The following GRID1 variants were observed in gnomAD, a reference collection of about 807,000 sequenced individuals.
The protein encoded by GRID1 is glutamate receptor ionotropic, delta-1.
A neutral mutation model predicts 98.0 loss-of-function variants in GRID1; 28 were observed. The ratio of observed to expected loss-of-function variants is 0.29; its 90% CI spans 0.21 to 0.39. The LOEUF is 0.39. GRID1 is among the 10% of genes least tolerant of loss of function. The pLI, the probability that GRID1 is intolerant of heterozygous loss-of-function variation, is 1.00. For synonymous variants in GRID1, 553 were observed against 538.5 expected, an observed-to-expected ratio of 1.03 and a Z score of -0.37; for missense variants, 1,111 against 1,340.5, an observed-to-expected ratio of 0.83 and a Z score of 2.67.
intron 2 of GRID1, among the ~76,000 whole-genome samples, chr10:86,227,632 G>C (rs1431283805): frequency 1.3e-5 from 2 of 151,860 alleles, no homozygotes; most frequent in African/African-American, 4.9e-5. Flanking sequence ...TTACTCTGCT[G>C]TCCTTCCTCA....
chr10:86,170,117 T>C (rs548619741), intron 3 of GRID1, among the ~76,000 whole-genome samples: 3 of 152,264 alleles, frequency 2.0e-5, no homozygotes, highest in African/African-American at 7.2e-5. Flanking sequence ...GCCTGGGGCT[T>C]GAGGGAATCA....
At chr10:85,822,923 C>T (rs1842786197) in intron 8 of GRID1, among the ~76,000 whole-genome samples, 1 of 152,166 alleles carries the variant, frequency 6.6e-6, no homozygotes, top group Non-Finnish European at 1.5e-5. Flanking sequence ...TCATTCTCAG[C>T]AAACTATTGC....
chr10:86,263,541 G>A (rs73334011), intron 2 of GRID1, among the ~76,000 whole-genome samples: 10,604 of 152,278 alleles, frequency 0.07, 1,054 homozygotes, highest in African/African-American at 0.23. Context: ...TACAGGCAGC[G>A]AGAACAGAGG....
At chr10:85,655,503 C>G (rs1229644981) in intron 12 of GRID1, among the ~76,000 whole-genome samples, 1 of 152,174 alleles carries the variant, frequency 6.6e-6, no homozygotes, top group Non-Finnish European at 1.5e-5. Flanking sequence ...TGTTTCAAAA[C>G]AATTTTGTGT....
rs1293847225 is a variant in GRID1 at position 86,366,251 on chromosome 10, C to T, written c.79+63G>A. On this transcript the variant is annotated intron_variant, in intron 1 of 15. Coordinates refer to ENST00000327946, the MANE Select transcript of GRID1 (RefSeq NM_017551.3). This position sits in a 1 kb window ranked among gnomAD's most constrained non-coding sequence, Gnocchi z 4.1. Reference sequence around the variant, plus strand: ...CCAGGGAAACGCCAAGTTTGGACGCCGCGCACCCCCTGCCCCGTTGGGGCC... The same window carrying T: ...CCAGGGAAACGCCAAGTTTGGACGCTGCGCACCCCCTGCCCCGTTGGGGCC... The T allele has an allele frequency of 1.7e-6, 2 of 1,211,624 alleles. No individual in the cohort carries two copies. The highest frequency in any genetic ancestry group is 1.6e-5 in the African/African-American group (1 of 61,686). 75.1% of individuals were successfully genotyped at this position (1,211,624 alleles called of 1,614,324 possible). A position where few individuals can be genotyped will look rare whatever the true frequency, so the allele number is the denominator to read the frequency against.
intron 12 of GRID1, among the ~76,000 whole-genome samples, chr10:85,685,912 T>C (rs1343294999): frequency 6.6e-6 from 1 of 151,980 alleles, no homozygotes; most frequent in East Asian, 1.9e-4. Flanking sequence ...TGCAAGACCT[T>C]TATTGAAAAA....
intron 2 of GRID1, among the ~76,000 whole-genome samples, chr10:86,237,426 C>A (rs1176346240): frequency 2.0e-5 from 3 of 152,190 alleles, no homozygotes; most frequent in African/African-American, 7.2e-5. Flanking sequence ...CCTGGATGGG[C>A]ACAGTGGCTC....
chr10:85,707,596 A>G (rs1041583472), intron 12 of GRID1, among the ~76,000 whole-genome samples: 1 of 152,206 alleles, frequency 6.6e-6, no homozygotes, highest in African/African-American at 2.4e-5. Flanking sequence ...CATTTGACCC[A>G]CCTATCCCAT....
chr10:86,008,439 T>C (rs959212843), intron 4 of GRID1, among the ~76,000 whole-genome samples: 1 of 152,194 alleles, frequency 6.6e-6, no homozygotes, highest in Non-Finnish European at 1.5e-5. Context: ...AACTTGTGTT[T>C]ATCAATGAAA....
chr10:85,990,204 G>A (rs1005931039), intron 4 of GRID1, among the ~76,000 whole-genome samples: 6 of 152,180 alleles, frequency 3.9e-5, no homozygotes, highest in African/African-American at 1.4e-4. Flanking sequence ...AGGAACCCAG[G>A]CAAGCAAATG....
At chr10:86,321,358 A>C (rs555799251) in intron 2 of GRID1, among the ~76,000 whole-genome samples, 2 of 152,304 alleles carry the variant, frequency 1.3e-5, no homozygotes, top group African/African-American at 4.8e-5. Context: ...GCCTGGGGTC[A>C]CATTCTGCCT....
At chr10:85,880,412 AG>A (rs1445676066) in intron 5 of GRID1, among the ~76,000 whole-genome samples, 3 of 152,346 alleles carry the variant, frequency 2.0e-5, no homozygotes, top group African/African-American at 7.2e-5. Flanking sequence ...CACATCAAAA[AG>A]CTTGTCCACC....
intron 8 of GRID1, among the ~76,000 whole-genome samples, chr10:85,826,271 G>T (rs555767729): frequency 6.6e-6 from 1 of 152,298 alleles, no homozygotes; most frequent in African/African-American, 2.4e-5. Flanking sequence ...GGAGGCGAAG[G>T]TTGCGGTGAG....
intron 12 of GRID1, among the ~76,000 whole-genome samples, chr10:85,691,714 C>T (rs1343052389): frequency 2.0e-5 from 3 of 152,212 alleles, no homozygotes; most frequent in Non-Finnish European, 4.4e-5. Flanking sequence ...AAATTTCCCA[C>T]TACTTGCATT....
chr10:86,048,749 A>G (rs867980951), intron 4 of GRID1, among the ~76,000 whole-genome samples: 1 of 152,244 alleles, frequency 6.6e-6, no homozygotes, highest in African/African-American at 2.4e-5. Context: ...TATTCAGGAC[A>G]CATCCCACTG....
intron 5 of GRID1, among the ~76,000 whole-genome samples, chr10:85,912,060 T>C (rs577591395): frequency 3.5e-4 from 53 of 152,356 alleles, no homozygotes; most frequent in African/African-American, 1.2e-3. Context: ...CTCTACACTA[T>C]GTACATTGAC....
At chr10:86,065,704 G>A (rs1368010871) in intron 4 of GRID1, among the ~76,000 whole-genome samples, 1 of 152,184 alleles carries the variant, frequency 6.6e-6, no homozygotes, top group Non-Finnish European at 1.5e-5. Flanking sequence ...CTCTAATTTG[G>A]AGCAGCAAGA....
intron 4 of GRID1, among the ~76,000 whole-genome samples, chr10:85,983,226 G>A (rs61855985): frequency 0.056 from 8,530 of 152,292 alleles, 304 homozygotes; most frequent in Middle Eastern, 0.092. Context: ...GTAAGGAAAT[G>A]GAGTCTCTGT....
chr10:86,130,548 G>A (rs1170744794), intron 4 of GRID1, among the ~76,000 whole-genome samples: 1 of 152,190 alleles, frequency 6.6e-6, no homozygotes, highest in Non-Finnish European at 1.5e-5. Context: ...TCTGAATGTC[G>A]AGAGGAGTTC....
Sources: gnomAD v4.1 joint callset for allele counts (sites outside exome capture counted in the v4.1 genomes callset) on GRCh38, gnomAD v4.1.1 for gene constraint, Gnocchi (gnomAD v3.1) non-coding constraint, MANE v1.5 for transcripts, NCBI Gene and HGNC (gene_info 2026-07-23, HGNC 2026-07-21) for gene names.